Variants in TRIM33 observed in about 807,000 individuals in gnomAD.
The protein encoded by TRIM33 is E3 ubiquitin-protein ligase TRIM33.
A neutral mutation model predicts 125.4 loss-of-function variants in TRIM33; 20 were observed. The ratio of observed to expected loss-of-function variants is 0.16; its 90% CI spans 0.11 to 0.23. The LOEUF is 0.23. Among genes scored for constraint, TRIM33 ranks in the 10% least tolerant of loss-of-function variants. The pLI is 1.00. For synonymous variants in TRIM33, 564 were observed against 513.9 expected (o/e 1.10, Z -1.32); for missense variants, 920 against 1,411.4 (o/e 0.65, Z 5.58).
intron 11 of TRIM33, 69 bp downstream of exon 11, chr1:114,421,367 T>A: frequency 1.4e-6 from 2 of 1,412,944 alleles, no homozygotes; most frequent in South Asian, 1.3e-5. Context: ...AAAAAAACTC[T>A]GAAATAAATA....
chr1:114,408,704 C>T lies in TRIM33; in HGVS notation c.2231G>A (p.Ser744Asn). The change falls in exon 13 of 20, where the codon AGT becomes AAT. Residue 744 changes from serine (S) to asparagine (N), a missense_variant. This residue lies in a region of TRIM33 where 407 missense variants were observed against 589.7 expected (regional missense o/e 0.69). Transcript: ENST00000358465. Reference protein sequence around the residue: ...SNSHTPVRPPSTSSTGSRGSC... With the variant: ...SNSHTPVRPPNTSSTGSRGSC... ...GCCTCGACTGCCAGTACTAGAAGTA[C>T]TTGGGGGTCTCACAGGTGTGTGAGA... 6.2e-7 allele frequency: 1 copy of T among 1,604,940 alleles called. No individual in the cohort carries two copies. Among genetic ancestry groups the T allele is most frequent in the Admixed American group, 1.7e-5 (1 of 59,408 alleles).
At chr1:114,429,927 A>G (rs1181596618) in intron 6 of TRIM33, among the ~76,000 whole-genome samples, 1 of 152,164 alleles carries the variant, frequency 6.6e-6, no homozygotes, top group African/African-American at 2.4e-5. Flanking sequence ...AAAAATTTAG[A>G]TTTCATGAAC....
intron 1 of TRIM33, among the ~76,000 whole-genome samples, chr1:114,471,261 A>C (rs1390499673): frequency 1.3e-5 from 2 of 152,166 alleles, no homozygotes; most frequent in Admixed American, 6.5e-5. Context: ...ATCCTGGCCA[A>C]TATGGTCAAA....
At chr1:114,453,345 CAG>C (rs1028893922) in intron 4 of TRIM33, among the ~76,000 whole-genome samples, 30 of 145,070 alleles carry the variant, frequency 2.1e-4, no homozygotes, top group South Asian at 6.5e-4. Flanking sequence ...GCCTGGGCAA[CAG>C]AGAGAGTCTG....
At chr1:114,430,749 T>C (rs1006464369) in intron 6 of TRIM33, 49 bp downstream of exon 6, 23 of 982,804 alleles carry the variant, frequency 2.3e-5, no homozygotes, top group Admixed American at 1.6e-4. Context: ...TAAAAACAGC[T>C]AAAGAGCAAG....
intron 4 of TRIM33, among the ~76,000 whole-genome samples, chr1:114,442,956 A>C (rs1648745223): frequency 6.6e-6 from 1 of 152,120 alleles, no homozygotes; most frequent in Non-Finnish European, 1.5e-5. Context: ...TAAATTTAGA[A>C]TTGTGAATAT....
At chr1:114,467,859 T>G (rs780845267) in intron 1 of TRIM33, among the ~76,000 whole-genome samples, 2 of 152,200 alleles carry the variant, frequency 1.3e-5, no homozygotes, top group Non-Finnish European at 2.9e-5. Context: ...ACACCAAAGC[T>G]TTGGTCATCA....
At chr1:114,431,538 A>C (rs1363515944) in intron 5 of TRIM33, among the ~76,000 whole-genome samples, 1 of 152,218 alleles carries the variant, frequency 6.6e-6, no homozygotes, top group Non-Finnish European at 1.5e-5. Flanking sequence ...TTAGGTGCAA[A>C]TATGAAGTGG....
At chr1:114,432,178 C>A (rs1029888818) in intron 5 of TRIM33, among the ~76,000 whole-genome samples, 10 of 152,142 alleles carry the variant, frequency 6.6e-5, no homozygotes, top group African/African-American at 2.4e-4. Flanking sequence ...AACAGGTAAA[C>A]CTCTTGCCCT....
intron 15 of TRIM33, 58 bp downstream of exon 15, chr1:114,405,352 T>A (rs1553205645): frequency 6.7e-6 from 9 of 1,341,736 alleles, no homozygotes; most frequent in Non-Finnish European, 7.2e-6. Context: ...AACATTCTTC[T>A]GTTATTTATT....
In TRIM33 at chr1:114,395,787, C is replaced by A. The variant is rs1651512818; in HGVS notation, c.*1861G>T. ...AATTGAAAGAAAAGTGAAAAGGAAG[C>A]CAGGAATAAAGTAAATCAATAGTAA... On this transcript the variant is annotated 3_prime_UTR_variant, in exon 20 of 20. Coordinates refer to ENST00000358465, the MANE Select transcript of TRIM33 (RefSeq NM_015906.4). 1 of 189,654 alleles carries A rather than the reference C, an allele frequency of 5.3e-6. No homozygotes were observed. 11.7% of individuals were successfully genotyped at this position (189,654 alleles called of 1,614,324 possible).
At chr1:114,434,546 G>A (rs1325027265) in intron 4 of TRIM33, among the ~76,000 whole-genome samples, 1 of 152,146 alleles carries the variant, frequency 6.6e-6, no homozygotes, top group African/African-American at 2.4e-5. Context: ...TGCAAATATA[G>A]ACTCTAATAA....
intron 1 of TRIM33, among the ~76,000 whole-genome samples, chr1:114,504,420 G>A (rs1043553487): frequency 1.3e-5 from 2 of 151,972 alleles, no homozygotes; most frequent in African/African-American, 2.4e-5. Flanking sequence ...CACCCACCTC[G>A]GCCTCCCAAA....
At chr1:114,500,707 A>G (rs1652655969) in intron 1 of TRIM33, among the ~76,000 whole-genome samples, 2 of 152,098 alleles carry the variant, frequency 1.3e-5, no homozygotes, top group African/African-American at 4.8e-5. Flanking sequence ...CTTAATGAAC[A>G]AAACTTACTG....
chr1:114,413,395 T>A (rs1652709270), intron 11 of TRIM33, among the ~76,000 whole-genome samples: 1 of 151,190 alleles, frequency 6.6e-6, no homozygotes, highest in African/African-American at 2.4e-5. Context: ...CCCGTCTCTA[T>A]TAAAAATACA....
chr1:114,463,307 G>T, intron 3 of TRIM33, 71 bp from the exon 4 acceptor site: 1 of 1,553,536 alleles, frequency 6.4e-7, no homozygotes, highest in East Asian at 2.3e-5. Flanking sequence ...AATTCCTATT[G>T]ATGTTGCTAT....
Position 114,399,937 on chromosome 1 carries a change from CT to C in TRIM33, c.2968-329del, listed in dbSNP as rs146404304. Among the ~76,000 whole-genome samples the C allele has an allele frequency of 4.2e-3, 613 of 146,684 alleles. 3 individuals carry two copies. The highest frequency in any genetic ancestry group is 0.014 in the African/African-American group (560 of 39,936). ...ATTTTATGACTCCTTAGGAGTTTTT[CT>C]TTTTTTTTTAAAGAAAAAAATTTAC... On this transcript the variant is annotated intron_variant, in intron 17 of 19. Transcript: ENST00000358465.
chr1:114,503,048 A>G (rs1429184335), intron 1 of TRIM33, among the ~76,000 whole-genome samples: 4 of 152,224 alleles, frequency 2.6e-5, no homozygotes, highest in African/African-American at 4.8e-5. Context: ...GCAGATTTTA[A>G]TACCCTTTTC....
At chr1:114,425,768 C>T in intron 8 of TRIM33, 45 bp from the exon 9 acceptor site, 28 of 1,398,052 alleles carry the variant, frequency 2.0e-5, no homozygotes, top group Non-Finnish European at 2.8e-5. Flanking sequence ...TCAACTAAAT[C>T]ATCTACTTTG....
Sources: gnomAD v4.1 joint callset for allele counts (sites outside exome capture counted in the v4.1 genomes callset) on GRCh38, gnomAD v4.1.1 for gene constraint, gnomAD v4.1.1 regional missense constraint, MANE v1.5 for transcripts, NCBI Gene and HGNC (gene_info 2026-07-23, HGNC 2026-07-21) for gene names.